The following COL21A1 variants were observed in gnomAD, a reference collection of about 807,000 sequenced individuals.
COL21A1 encodes the protein collagen type XXI alpha 1 chain.
Under a neutral mutation model 137.9 loss-of-function variants are expected in COL21A1, and 149 were observed. The observed-to-expected ratio is 1.08, with a 90% CI of 0.95 to 1.24. The LOEUF (loss-of-function observed/expected upper bound fraction) is 1.24. Ranked by LOEUF, COL21A1 falls within the 50% of genes most tolerant of loss-of-function variation. The pLI, the probability that COL21A1 is intolerant of heterozygous loss-of-function variation, is 0.00. For missense variants in COL21A1, 1,167 were observed against 1,158.4 expected (o/e 1.01, Z -0.11); for synonymous variants, 456 against 391.5 (o/e 1.16, Z -1.95).
Position 56,069,035 on chromosome 6 carries a change from C to A in COL21A1, c.2091+11G>T. The A allele has an allele frequency of 1.9e-6, 3 of 1,589,996 alleles. No individual in the cohort carries two copies. The South Asian group carries it at 3.4e-5, about 18-fold the overall frequency. ...GTTAAAAGCGAACTGTATCTCCTAA[C>A]CAATGCATACCTTTTTTCCTTGAAT... On this transcript the variant is annotated intron_variant, in intron 22 of 29. Coordinates refer to ENST00000244728, the MANE Select transcript of COL21A1 (RefSeq NM_030820.4).
rs767510380 is a variant in COL21A1, at chr6:56,059,977, A to G, written c.2608+41T>C. The G allele has an allele frequency of 3.4e-6, 5 of 1,479,148 alleles. No individual in the cohort carries two copies. The East Asian group carries it at 9.4e-5, about 28-fold the overall frequency. The allele number at this position is 1,479,148 out of a possible 1,614,324, so 91.6% of individuals were successfully genotyped here. A position where few individuals can be genotyped will look rare whatever the true frequency, so the allele number is the denominator to read the frequency against. On this transcript the variant is annotated intron_variant, in intron 28 of 29. Transcript: ENST00000244728. ...ATAGGGTATGAATTTTTAAAAAAAG[A>G]CTTTTTAAAATTCATTTTCTTGTTG...
chr6:56,292,042 G>A lies in COL21A1; in HGVS notation c.-39+101929C>T, dbSNP rs183226073. The stretch of plus-strand genomic sequence containing the variant: ...AAATTATCTGGGTGTGGTGGTACAC[G>A]CCTGTAATCTGAGCTACTCGGGAGG... On this transcript the variant is annotated intron_variant, in intron 1 of 28. Coordinates refer to the COL21A1 transcript ENST00000370819. 1.6e-4 allele frequency among the ~76,000 whole-genome samples: 24 copies of A among 152,182 alleles called. No homozygotes were observed. The East Asian group carries it at 3.1e-3, about 20-fold the overall frequency.
At chr6:56,174,922 A>G (rs1239747489) in intron 3 of COL21A1, among the ~76,000 whole-genome samples, 1 of 152,080 alleles carries the variant, frequency 6.6e-6, no homozygotes, top group East Asian at 1.9e-4. Flanking sequence ...ACACTAACAA[A>G]CTGAATTTAA....
intron 1 of COL21A1, among the ~76,000 whole-genome samples, chr6:56,368,246 C>T (rs1766146156): frequency 6.6e-6 from 1 of 152,010 alleles, no homozygotes; most frequent in Non-Finnish European, 1.5e-5. Flanking sequence ...ATAAGTTATT[C>T]TAGGACAACC....
chr6:56,238,289 A>T (rs1032129357), intron 1 of COL21A1, among the ~76,000 whole-genome samples: 1 of 151,850 alleles, frequency 6.6e-6, no homozygotes, highest in Admixed American at 6.6e-5. Context: ...CACCTCATCT[A>T]CTCTATGGAA....
At chr6:56,224,386 C>A (rs1400166326) in intron 1 of COL21A1, among the ~76,000 whole-genome samples, 1 of 152,032 alleles carries the variant, frequency 6.6e-6, no homozygotes, top group Non-Finnish European at 1.5e-5. Context: ...GAACAAATAG[C>A]CATGTATAGC....
intron 1 of COL21A1, among the ~76,000 whole-genome samples, chr6:56,300,365 A>T (rs1764253497): frequency 6.6e-6 from 1 of 152,168 alleles, no homozygotes; most frequent in African/African-American, 2.4e-5. Context: ...AGTTTGTTAT[A>T]TAATCCTCTT....
Position 56,285,222 on chromosome 6 carries a change from T to G in COL21A1, c.-38-102566A>C, listed in dbSNP as rs564371731. Among the ~76,000 whole-genome samples, 15 of 152,332 alleles carry G rather than the reference T, an allele frequency of 9.8e-5. 1 individual carries two copies. The South Asian group carries it at 1.7e-3, about 17-fold the overall frequency. On this transcript the variant is annotated intron_variant, in intron 1 of 28. Transcript: ENST00000370819. ...TCTTTCCTTCCACCTAGCTACCATATAACTGGGCACGGAATAAGACTCAGT... is the reference window on the plus strand; with the variant it reads ...TCTTTCCTTCCACCTAGCTACCATAGAACTGGGCACGGAATAAGACTCAGT...
At chr6:56,307,421 G>T (rs1165538282) in intron 1 of COL21A1, among the ~76,000 whole-genome samples, 2 of 152,222 alleles carry the variant, frequency 1.3e-5, no homozygotes, top group Non-Finnish European at 1.5e-5. Context: ...CCTCAGCAAT[G>T]GTGGGCACCC....
chr6:56,072,403 T>G (rs535066299), intron 20 of COL21A1, among the ~76,000 whole-genome samples: 1 of 151,624 alleles, frequency 6.6e-6, no homozygotes, highest in East Asian at 1.9e-4. Context: ...TTTTTAAGTA[T>G]TATAATATAA....
chr6:56,294,973 A>G (rs959754319), intron 1 of COL21A1, among the ~76,000 whole-genome samples: 79 of 152,008 alleles, frequency 5.2e-4, no homozygotes, highest in African/African-American at 1.6e-3. Flanking sequence ...TTTTTCTTTC[A>G]TGAATAGTGT....
intron 16 of COL21A1, among the ~76,000 whole-genome samples, chr6:56,118,171 G>A (rs1772111025): frequency 6.7e-6 from 1 of 149,932 alleles, no homozygotes; most frequent in Non-Finnish European, 1.5e-5. Context: ...AAACAAAATT[G>A]ACAAATTTTT....
chr6:56,235,944 G>A (rs1170713647), intron 1 of COL21A1, among the ~76,000 whole-genome samples: 1 of 151,976 alleles, frequency 6.6e-6, no homozygotes, highest in Non-Finnish European at 1.5e-5. Context: ...GGAATAAAGT[G>A]GCTTAACAGC....
intron 1 of COL21A1, among the ~76,000 whole-genome samples, chr6:56,205,071 C>A (rs1245811527): frequency 6.6e-6 from 1 of 152,098 alleles, no homozygotes; most frequent in Non-Finnish European, 1.5e-5. Context: ...AACCAGAACA[C>A]CTCTTCTCCT....
At chr6:56,078,017 C>A (rs543175295) in intron 17 of COL21A1, 15 of 453,368 alleles carry the variant, frequency 3.3e-5, no homozygotes, top group African/African-American at 2.8e-4. Context: ...TTGCCTCCCA[C>A]CTGAGCCTTG....
In COL21A1 at chr6:56,290,499, ATT is replaced by A. The variant is rs1268560590; in HGVS notation, c.-39+103470_-39+103471del. Among the ~76,000 whole-genome samples, 1,011 of 139,918 alleles carry A rather than the reference ATT, an allele frequency of 7.2e-3. 7 individuals carry two copies. The highest frequency in any genetic ancestry group is 0.012 in the Admixed American group (157 of 13,552). The allele number at this position is 139,918 out of a possible 152,430, so 91.8% of individuals were successfully genotyped here. On this transcript the variant is annotated intron_variant, in intron 1 of 28. Transcript: ENST00000370819. ...GATGCATATTAGAATCACTTAGGAG[ATT>A]TTTTTTTTTTTTTTTTGAGACGAAG...
chr6:56,155,183 GTTAGTTTGCTAAGGATAA>G (rs1365332696), intron 10 of COL21A1, among the ~76,000 whole-genome samples: 1 of 152,092 alleles, frequency 6.6e-6, no homozygotes, highest in Non-Finnish European at 1.5e-5. Context: ...CATTTTCTGT[GTTAGTTTGCTAAGGATAA>G]TTAACCTCCC....
chr6:56,192,383 A>G (rs1419746279), intron 1 of COL21A1, among the ~76,000 whole-genome samples: 1 of 151,880 alleles, frequency 6.6e-6, no homozygotes, highest in South Asian at 2.1e-4. Context: ...TTCTGCAAAG[A>G]AAAAGAAACT....
chr6:56,069,426 T>A (rs1215402988), intron 21 of COL21A1, among the ~76,000 whole-genome samples: 2 of 151,320 alleles, frequency 1.3e-5, no homozygotes, highest in African/African-American at 2.4e-5. Flanking sequence ...GTAAAAATAA[T>A]AAACACAAGT....
Sources: gnomAD v4.1 joint callset for allele counts (sites outside exome capture counted in the v4.1 genomes callset) on GRCh38, gnomAD v4.1.1 for gene constraint, MANE v1.5 for transcripts, NCBI Gene and HGNC (gene_info 2026-07-23, HGNC 2026-07-21) for gene names.